Variants in EPHA3 observed in about 807,000 individuals in gnomAD.
EPHA3 encodes ephrin type-A receptor 3.
In EPHA3, 42 loss-of-function variants were observed where a neutral mutation model predicts 107.1. The observed-to-expected ratio is 0.39, with a 90% confidence interval of 0.31 to 0.51. The LOEUF (loss-of-function observed/expected upper bound fraction) is 0.51. EPHA3 is among the 20% of genes least tolerant of loss of function. The pLI is 0.78. For synonymous variants in EPHA3, 461 were observed against 424.8 expected (o/e 1.09, Z -1.05); for missense variants, 1,183 against 1,211.2 (o/e 0.98, Z 0.35).
rs1416431097 is a variant in EPHA3, at chr3:89,331,194, T to C, written c.815-9722T>C. ...ACCTCAAATTATACAAACACACATA[T>C]TCTTTGACTAAGATATTTTGATTTT... On this transcript the variant is annotated intron_variant, in intron 3 of 16. Coordinates refer to ENST00000336596, the MANE Select transcript of EPHA3 (RefSeq NM_005233.6). 6.6e-5 allele frequency among the ~76,000 whole-genome samples: 10 copies of C among 152,326 alleles called. No homozygotes were observed. The East Asian group carries it at 1.9e-3, about 29-fold the overall frequency.
chr3:89,229,739 A>G (rs529302007), intron 3 of EPHA3, among the ~76,000 whole-genome samples: 1 of 152,030 alleles, frequency 6.6e-6, no homozygotes, highest in South Asian at 2.1e-4. Flanking sequence ...ATAAATCCTT[A>G]GCATAATATT....
intron 3 of EPHA3, among the ~76,000 whole-genome samples, chr3:89,298,690 A>T (rs1706417966): frequency 6.6e-6 from 1 of 152,142 alleles, no homozygotes; most frequent in Non-Finnish European, 1.5e-5. Context: ...AAAATTATAC[A>T]TTGGAGATGC....
intron 11 of EPHA3, among the ~76,000 whole-genome samples, chr3:89,424,674 G>C (rs913963483): frequency 1.3e-5 from 2 of 151,148 alleles, no homozygotes; most frequent in African/African-American, 4.8e-5. Context: ...ATAAAAGAAA[G>C]CTTGGAAAGG....
chr3:89,364,135 T>C (rs1404100472), intron 5 of EPHA3, among the ~76,000 whole-genome samples: 5 of 150,842 alleles, frequency 3.3e-5, no homozygotes, highest in Non-Finnish European at 7.4e-5. Context: ...AATAAGACAG[T>C]CTTCACTACA....
Position 89,481,416 on chromosome 3 carries a change from A to C in EPHA3, c.*1914A>C. On this transcript the variant is annotated 3_prime_UTR_variant, in exon 17 of 17. Coordinates refer to ENST00000336596, the MANE Select transcript of EPHA3 (RefSeq NM_005233.6). ...AATTTCACTTATACCTGCTATCAGC[A>C]GCTAGAAAACATTTTTTTTTTAAAT... is the stretch of plus-strand genomic sequence containing the variant. The C allele has an allele frequency of 4.3e-6, 1 of 232,332 alleles. No homozygotes were observed. The highest frequency in any genetic ancestry group is 8.5e-6 in the Non-Finnish European group (1 of 117,508). 14.4% of individuals were successfully genotyped at this position (232,332 alleles called of 1,614,324 possible).
intron 3 of EPHA3, among the ~76,000 whole-genome samples, chr3:89,237,879 T>G (rs1704809772): frequency 6.6e-6 from 1 of 151,556 alleles, no homozygotes; most frequent in South Asian, 2.1e-4. Flanking sequence ...CTTGCAAGAC[T>G]GAGGTGGGAG....
intron 9 of EPHA3, among the ~76,000 whole-genome samples, chr3:89,408,621 G>T (rs949649240): frequency 3.9e-5 from 6 of 152,022 alleles, no homozygotes; most frequent in Non-Finnish European, 5.9e-5. Flanking sequence ...TATCCAACTA[G>T]TAGTAAAGCC....
chr3:89,364,132 C>T (rs1175811029), intron 5 of EPHA3, among the ~76,000 whole-genome samples: 2 of 150,782 alleles, frequency 1.3e-5, no homozygotes, highest in African/African-American at 4.8e-5. Context: ...CCTAATAAGA[C>T]AGTCTTCACT....
chr3:89,231,057 C>G (rs973195934), intron 3 of EPHA3, among the ~76,000 whole-genome samples: 10 of 151,940 alleles, frequency 6.6e-5, no homozygotes, highest in African/African-American at 2.4e-4. Flanking sequence ...TTATACATTA[C>G]CCATCAAATT....
chr3:89,431,676 G>T (rs1709572821), intron 13 of EPHA3, among the ~76,000 whole-genome samples: 1 of 152,034 alleles, frequency 6.6e-6, no homozygotes, highest in Admixed American at 6.6e-5. Context: ...GTCACCCTGA[G>T]CTAGCAGATT....
chr3:89,332,260 T>C (rs75836593), intron 3 of EPHA3, among the ~76,000 whole-genome samples: 1 of 152,180 alleles, frequency 6.6e-6, no homozygotes, highest in African/African-American at 2.4e-5. Context: ...CCAGAAGCTG[T>C]TTTAACATTC....
intron 15 of EPHA3, among the ~76,000 whole-genome samples, chr3:89,468,814 G>GA (rs1223013709): frequency 6.6e-6 from 1 of 152,056 alleles, no homozygotes; most frequent in Non-Finnish European, 1.5e-5. Context: ...TAACTATGCT[G>GA]AAACAACCCA....
rs1704218529 is a variant in EPHA3, at chr3:89,132,088, G to A, written c.153+4815G>A. 2.0e-5 allele frequency among the ~76,000 whole-genome samples: 3 copies of A among 152,268 alleles called. 1 individual carries two copies. In the South Asian group the frequency reaches 6.2e-4, roughly 32 times the overall value. On this transcript the variant is annotated intron_variant, in intron 2 of 16. Transcript: ENST00000336596. ...TGGTGCAGAATTCCAGTGATTTCTA[G>A]GAAAGGTTTTCCTCCTGATGGAGAG...
intron 14 of EPHA3, 138 bp from the exon 15 acceptor site, chr3:89,450,039 T>C: frequency 1.6e-6 from 1 of 614,840 alleles, no homozygotes; most frequent in Non-Finnish European, 2.7e-6. Flanking sequence ...GTTGTTATCC[T>C]TTTAGGCAAC....
chr3:89,235,547 G>A (rs1439855504), intron 3 of EPHA3, among the ~76,000 whole-genome samples: 1 of 151,886 alleles, frequency 6.6e-6, no homozygotes, highest in Admixed American at 6.6e-5. Context: ...ATGTAAGAGT[G>A]ATGTTATTAA....
At chr3:89,338,627 C>A (rs1707446559) in intron 3 of EPHA3, among the ~76,000 whole-genome samples, 1 of 152,220 alleles carries the variant, frequency 6.6e-6, no homozygotes, top group Admixed American at 6.5e-5. Context: ...GGGCTCACTG[C>A]AAGCTCCGCC....
At chr3:89,140,594 A>G (rs1048255635) in intron 2 of EPHA3, among the ~76,000 whole-genome samples, 5 of 151,754 alleles carry the variant, frequency 3.3e-5, no homozygotes, top group African/African-American at 1.2e-4. Context: ...TTGTGGTGAA[A>G]TTTGCTTTAG....
At chr3:89,130,735 C>T (rs1576170449) in intron 2 of EPHA3, among the ~76,000 whole-genome samples, 1 of 151,650 alleles carries the variant, frequency 6.6e-6, no homozygotes, top group South Asian at 2.1e-4. Flanking sequence ...CCCGGGTTCA[C>T]GCAATTCTCC....
intron 3 of EPHA3, among the ~76,000 whole-genome samples, chr3:89,282,932 G>A (rs1008849983): frequency 4.6e-5 from 7 of 152,120 alleles, no homozygotes; most frequent in Admixed American, 6.5e-5. Context: ...CCTTTATTTC[G>A]TTGTATTAAT....
Sources: allele counts gnomAD v4.1 joint callset (sites outside exome capture counted in the v4.1 genomes callset), GRCh38; gene constraint gnomAD v4.1.1; transcripts MANE v1.5; gene names NCBI Gene and HGNC (gene_info 2026-07-23, HGNC 2026-07-21).